Variants in RBM6 observed in about 807,000 individuals in gnomAD.
RBM6 encodes RNA-binding protein 6.
Under a neutral mutation model 140.4 loss-of-function variants are expected in RBM6, and 23 were observed. The ratio of observed to expected loss-of-function variants is 0.16; its 90% CI spans 0.12 to 0.23. The LOEUF (loss-of-function observed/expected upper bound fraction) is 0.23, where lower values mean the gene tolerates loss of function less well. RBM6 is among the 10% of genes least tolerant of loss of function. RBM6 has a pLI of 1.00. For missense variants in RBM6, 1,139 were observed against 1,386.7 expected, an observed-to-expected ratio of 0.82 and a Z score of 2.84; for synonymous variants, 439 against 475.6, an observed-to-expected ratio of 0.92 and a Z score of 1.00.
intron 5 of RBM6, 90 bp from the exon 6 acceptor site, chr3:49,999,350 A>C: frequency 8.8e-7 from 1 of 1,137,182 alleles, no homozygotes; most frequent in South Asian, 1.3e-5. Context: ...GCTTGTGTTT[A>C]AGGGGTTCAG....
intron 6 of RBM6, among the ~76,000 whole-genome samples, chr3:50,026,320 G>T (rs12107768): frequency 0.86 from 130,847 of 151,394 alleles, 56,897 homozygotes; most frequent in African/African-American, 0.96. Context: ...TGACCTCAAG[G>T]GATCAACCTG....
intron 18 of RBM6, among the ~76,000 whole-genome samples, chr3:50,070,193 A>G (rs2108947752): frequency 6.6e-6 from 1 of 152,176 alleles, no homozygotes; most frequent in South Asian, 2.1e-4. Flanking sequence ...CGTCTCTACT[A>G]AAAATAGAAA....
At chr3:49,965,281 A>AT (rs375118674) in intron 2 of RBM6, among the ~76,000 whole-genome samples, 447 of 152,330 alleles carry the variant, frequency 2.9e-3, no homozygotes, top group African/African-American at 9.9e-3. Context: ...TGAAGCTTAA[A>AT]TCTTCCTGCA....
chr3:50,035,954 G>A (rs746033623), intron 6 of RBM6, among the ~76,000 whole-genome samples: 1 of 151,996 alleles, frequency 6.6e-6, no homozygotes, highest in Non-Finnish European at 1.5e-5. Flanking sequence ...TAGAGACAGG[G>A]TTTCACCATC....
At chr3:49,976,683 T>A (rs879754494) in intron 5 of RBM6, among the ~76,000 whole-genome samples, 5 of 152,212 alleles carry the variant, frequency 3.3e-5, no homozygotes, top group African/African-American at 9.6e-5. Flanking sequence ...GGAAAGGAGA[T>A]GTCTTAATAT....
intron 1 of RBM6, among the ~76,000 whole-genome samples, chr3:49,954,822 G>T (rs1452055436): frequency 3.3e-5 from 5 of 150,868 alleles, no homozygotes; most frequent in African/African-American, 9.8e-5. Context: ...GCAGTGGCGC[G>T]ATCTCAGCCC....
chr3:49,970,204 G>C (rs1575580482), intron 3 of RBM6, among the ~76,000 whole-genome samples: 1 of 152,050 alleles, frequency 6.6e-6, no homozygotes, highest in Non-Finnish European at 1.5e-5. Context: ...GCTTCCCAAA[G>C]AGCTGGGATT....
At chr3:49,957,320 T>C (rs1438368386) in intron 1 of RBM6, among the ~76,000 whole-genome samples, 8 of 151,482 alleles carry the variant, frequency 5.3e-5, no homozygotes, top group Admixed American at 4.6e-4. Context: ...CTTTTTTTTT[T>C]TTTTTGAAGT....
chr3:49,945,754 C>T (rs1227001018), intron 1 of RBM6, among the ~76,000 whole-genome samples: 2 of 151,648 alleles, frequency 1.3e-5, no homozygotes, highest in African/African-American at 2.4e-5. Context: ...TGGCGGCATG[C>T]ACCTGTAGTC....
Position 50,061,957 on chromosome 3 carries a change from C to A in RBM6, c.2440-5C>A. 6.2e-7 allele frequency: 1 copy of A among 1,611,582 alleles called. No homozygotes were observed. The highest frequency in any genetic ancestry group is 1.1e-5 in the South Asian group (1 of 90,606). ...TAGACTTACTTGTTTCCAACTGTAT[C>A]GCAGCAAGAAGTCTATGTGCCCCAG... On this transcript the variant is annotated splice_polypyrimidine_tract_variant and splice_region_variant and intron_variant, in intron 14 of 20. Transcript: ENST00000266022.
chr3:50,047,442 T>A, intron 6 of RBM6: 1 of 626,126 alleles, frequency 1.6e-6, no homozygotes, highest in Non-Finnish European at 2.0e-6. Flanking sequence ...TTTATTTTAA[T>A]GTGAAATAGA....
At chr3:50,071,004 A>G (rs2090282998) in intron 19 of RBM6, among the ~76,000 whole-genome samples, 1 of 152,232 alleles carries the variant, frequency 6.6e-6, no homozygotes, top group South Asian at 2.1e-4. Context: ...AGAGTTATAT[A>G]GAATTTGTTG....
intron 6 of RBM6, among the ~76,000 whole-genome samples, chr3:50,041,700 C>T (rs955353136): frequency 6.6e-6 from 1 of 152,206 alleles, no homozygotes; most frequent in Non-Finnish European, 1.5e-5. Context: ...ATCTTAGACA[C>T]AGCACCTAAA....
At chr3:50,065,262 A>ATTTC (rs1170294256) in intron 16 of RBM6, 136 bp downstream of exon 16, 1 of 667,874 alleles carries the variant, frequency 1.5e-6, no homozygotes, top group Non-Finnish European at 2.5e-6. Flanking sequence ...AAGGATTCCC[A>ATTTC]TTTCTTTTGA....
chr3:50,060,528 A>T lies in RBM6; in HGVS notation c.2229-428A>T, dbSNP rs183102033. ...CTGGGGAGGCCGAGGCGGGCAGATC[A>T]TGAGGTCAGGAGATTGAGATCATCC... On this transcript the variant is annotated intron_variant, in intron 11 of 20. Coordinates refer to ENST00000266022, the MANE Select transcript of RBM6 (RefSeq NM_005777.3). 5.3e-4 allele frequency among the ~76,000 whole-genome samples: 80 copies of T among 151,922 alleles called. No homozygotes were observed. In the East Asian group the frequency reaches 0.014, roughly 26 times the overall value.
intron 6 of RBM6, among the ~76,000 whole-genome samples, chr3:50,014,040 A>T (rs905360586): frequency 6.6e-6 from 1 of 152,208 alleles, no homozygotes; most frequent in Non-Finnish European, 1.5e-5. Context: ...AAAAATCTCT[A>T]TTGCTGAGGT....
intron 4 of RBM6, 63 bp downstream of exon 4, chr3:49,972,211 T>A (rs2084829552): frequency 7.6e-7 from 1 of 1,310,232 alleles, no homozygotes. Flanking sequence ...CCTTTTAATT[T>A]GAAAAATTGT....
chr3:49,959,456 C>T (rs954039397), intron 1 of RBM6, among the ~76,000 whole-genome samples: 1 of 151,434 alleles, frequency 6.6e-6, no homozygotes, highest in South Asian at 2.1e-4. Context: ...GCCTCGGCCT[C>T]CCAAAGTGCT....
intron 1 of RBM6, among the ~76,000 whole-genome samples, chr3:49,949,730 G>A (rs1301233481): frequency 6.6e-6 from 1 of 151,972 alleles, no homozygotes; most frequent in East Asian, 1.9e-4. Flanking sequence ...TGCCAGGATG[G>A]TCTTGATCTC....
Sources: allele counts gnomAD v4.1 joint callset (sites outside exome capture counted in the v4.1 genomes callset), GRCh38; gene constraint gnomAD v4.1.1; transcripts MANE v1.5; gene names NCBI Gene and HGNC (gene_info 2026-07-23, HGNC 2026-07-21).